Variants in RMND1 observed in about 807,000 individuals in gnomAD.
RMND1 encodes the protein required for meiotic nuclear division protein 1 homolog.
RMND1 carries 41 observed loss-of-function variants against 54.0 expected under a neutral mutation model. The ratio of observed to expected loss-of-function variants is 0.76; its 90% CI spans 0.59 to 0.98. The LOEUF (loss-of-function observed/expected upper bound fraction) is 0.98. Ranked by LOEUF, RMND1 falls within the 50% of genes least tolerant of loss-of-function variation. The pLI is 0.00. For synonymous variants in RMND1, 183 were observed against 181.7 expected (o/e 1.01, Z -0.06); for missense variants, 457 against 532.0 (o/e 0.86, Z 1.39).
At chr6:151,423,394 G>T in intron 7 of RMND1, 131 bp downstream of exon 7, 2 of 610,904 alleles carry the variant, frequency 3.3e-6, no homozygotes, top group Admixed American at 2.9e-5. Context: ...TTCTGATGGA[G>T]GGAAAAAAAG....
chr6:151,440,258 A>G (rs965254610), intron 2 of RMND1, among the ~76,000 whole-genome samples: 1 of 152,194 alleles, frequency 6.6e-6, no homozygotes, highest in African/African-American at 2.4e-5. Context: ...CCAGCCAGGC[A>G]CTATTATTTT....
At chr6:151,420,928 TAC>T (rs1405463107) in intron 9 of RMND1, 7 of 182,396 alleles carry the variant, frequency 3.8e-5, no homozygotes, top group Non-Finnish European at 5.7e-5. Context: ...GATATATTTT[TAC>T]AGAGAATTCC....
chr6:151,449,783 C>A (rs938290554), intron 1 of RMND1, among the ~76,000 whole-genome samples: 2 of 152,216 alleles, frequency 1.3e-5, no homozygotes, highest in Non-Finnish European at 2.9e-5. Context: ...CGAGTGCCTG[C>A]GATTACAGGC....
rs868054846 is a variant in RMND1 at position 151,450,377 on chromosome 6, G to A, written c.-15+1639C>T. Among the ~76,000 whole-genome samples, 134 of 144,280 alleles carry A rather than the reference G, an allele frequency of 9.3e-4. 2 individuals are homozygous for A. Among genetic ancestry groups the A allele is most frequent in the African/African-American group, 3.4e-3 (129 of 37,416 alleles). The allele number at this position is 144,280 out of a possible 152,430, so 94.7% of individuals were successfully genotyped here. On this transcript the variant is annotated intron_variant, in intron 1 of 11. Transcript: ENST00000444024. ...GGAGGTGGGGGTCAGCCCCCGCCAG[G>A]CCAGCCACCCCATCCGGGAGGGAGG... is the stretch of plus-strand genomic sequence containing the variant.
At chr6:151,423,395 G>A in intron 7 of RMND1, 130 bp downstream of exon 7, 1 of 611,782 alleles carries the variant, frequency 1.6e-6, no homozygotes, top group East Asian at 2.7e-5. Flanking sequence ...TCTGATGGAG[G>A]GAAAAAAAGG....
chr6:151,427,474 T>C lies in RMND1; in HGVS notation c.830+8A>G, dbSNP rs762101080. 3.0e-5 allele frequency: 46 copies of C among 1,534,692 alleles called. No individual in the cohort carries two copies. The highest frequency in any genetic ancestry group is 3.9e-5 in the Non-Finnish European group (43 of 1,109,152). ...CCCCTTTCATAAATTTGATGAAAAGTTGCTTACTCTATTTTTATGTAGTTA... is the reference window on the plus strand; with the variant it reads ...CCCCTTTCATAAATTTGATGAAAAGCTGCTTACTCTATTTTTATGTAGTTA... On this transcript the variant is annotated splice_region_variant and intron_variant, in intron 6 of 11. Coordinates refer to ENST00000444024, the MANE Select transcript of RMND1 (RefSeq NM_017909.4).
chr6:151,439,247 C>A (rs9397409), intron 2 of RMND1, among the ~76,000 whole-genome samples: 1 of 152,008 alleles, frequency 6.6e-6, no homozygotes. Flanking sequence ...TGTTATACTT[C>A]GCCTATTGAT....
At chr6:151,421,704 A>T (rs1780154400) in intron 8 of RMND1, among the ~76,000 whole-genome samples, 2 of 152,184 alleles carry the variant, frequency 1.3e-5, no homozygotes, top group Non-Finnish European at 2.9e-5. Flanking sequence ...TGTATTTTTC[A>T]TACCACTATT....
intron 9 of RMND1, among the ~76,000 whole-genome samples, chr6:151,418,942 G>T (rs1780079720): frequency 6.6e-6 from 1 of 151,712 alleles, no homozygotes; most frequent in African/African-American, 2.4e-5. Flanking sequence ...GGCTAATTTT[G>T]TATTTTTAGT....
At chr6:151,427,402 C>A in intron 6 of RMND1, 80 bp downstream of exon 6, 1 of 786,238 alleles carries the variant, frequency 1.3e-6, no homozygotes. Flanking sequence ...TTTCCATATG[C>A]ATAATAATTT....
chr6:151,450,518 C>T (rs1218745602), intron 1 of RMND1, among the ~76,000 whole-genome samples: 12 of 144,408 alleles, frequency 8.3e-5, no homozygotes, highest in Admixed American at 3.4e-4. Context: ...CCGCCCCGTC[C>T]GGGAGGGAGG....
chr6:151,446,593 T>C (rs141646580), intron 1 of RMND1, among the ~76,000 whole-genome samples: 1 of 151,988 alleles, frequency 6.6e-6, no homozygotes, highest in Non-Finnish European at 1.5e-5. Context: ...CAGTATGAAA[T>C]GTGTTATTTT....
chr6:151,421,189 G>A, intron 9 of RMND1, 56 bp downstream of exon 9: 1 of 1,277,438 alleles, frequency 7.8e-7, no homozygotes, highest in Non-Finnish European at 1.1e-6. Flanking sequence ...CTATGGGAAT[G>A]TTTTCTTGAG....
chr6:151,426,229 G>A (rs1034470657), intron 6 of RMND1, among the ~76,000 whole-genome samples: 1 of 152,244 alleles, frequency 6.6e-6, no homozygotes, highest in East Asian at 1.9e-4. Context: ...TTACAGGTGT[G>A]AGCCACCAAA....
intron 10 of RMND1, among the ~76,000 whole-genome samples, chr6:151,410,094 A>T (rs143671152): frequency 6.8e-6 from 1 of 146,958 alleles, no homozygotes; most frequent in Non-Finnish European, 1.5e-5. Flanking sequence ...TTGCTCTGTC[A>T]CCCAGGCTGG....
chr6:151,449,752 G>C (rs1781076594), intron 1 of RMND1, among the ~76,000 whole-genome samples: 1 of 152,166 alleles, frequency 6.6e-6, no homozygotes, highest in South Asian at 2.1e-4. Context: ...CTCCCTGCCT[G>C]ATTCTCCTGC....
At chr6:151,431,145 G>A (rs1205452406) in intron 4 of RMND1, among the ~76,000 whole-genome samples, 1 of 152,000 alleles carries the variant, frequency 6.6e-6, no homozygotes, top group East Asian at 1.9e-4. Context: ...AAAACAAGAG[G>A]AGACAACATA....
chr6:151,447,810 C>A (rs201387629), intron 1 of RMND1, among the ~76,000 whole-genome samples: 1 of 110,338 alleles, frequency 9.1e-6, no homozygotes. Flanking sequence ...TGAGTAAATT[C>A]TTTTTTTTTT....
chr6:151,435,318 G>A (rs187907377), intron 3 of RMND1, among the ~76,000 whole-genome samples: 129 of 151,820 alleles, frequency 8.5e-4, no homozygotes, highest in Non-Finnish European at 6.6e-4. Flanking sequence ...GCTAATTTTT[G>A]TATTTTTAGT....
Sources: allele counts gnomAD v4.1 joint callset (sites outside exome capture counted in the v4.1 genomes callset), GRCh38; gene constraint gnomAD v4.1.1; transcripts MANE v1.5; gene names NCBI Gene and HGNC (gene_info 2026-07-23, HGNC 2026-07-21).